Variants in MACROD2 observed in about 807,000 individuals in gnomAD.
The protein encoded by MACROD2 is mono-ADP ribosylhydrolase 2, also known as ADP-ribose glycohydrolase MACROD2.
A neutral mutation model predicts 70.4 loss-of-function variants in MACROD2; 36 were observed. That is an observed-to-expected ratio of 0.51 (90% CI 0.39 to 0.68). The LOEUF is 0.68. Ranked by LOEUF, MACROD2 falls within the 30% of genes least tolerant of loss-of-function variation. The probability of loss-of-function intolerance (pLI) is 0.00; values close to 1 mark genes in which losing one functional copy is unlikely to be tolerated. For synonymous variants in MACROD2, 172 were observed against 178.8 expected (o/e 0.96, Z 0.30); for missense variants, 496 against 538.4 (o/e 0.92, Z 0.78).
At position 14,683,808 on chromosome 20, in the gene MACROD2, A is replaced by G. The variant is rs559888243; in HGVS notation, c.302-1035A>G. Among the ~76,000 whole-genome samples the G allele has an allele frequency of 2.3e-4, 35 of 152,022 alleles. 1 individual carries two copies. The highest frequency in any genetic ancestry group is 2.0e-3 in the Admixed American group (31 of 15,280). On this transcript the variant is annotated intron_variant, in intron 4 of 17. Transcript: ENST00000684519. ...TCTTCAGACCTCTAATATTCTATCT[A>G]TTTTCACATTCCAGTTACTACTACT... is the stretch of plus-strand genomic sequence containing the variant.
intron 5 of MACROD2, among the ~76,000 whole-genome samples, chr20:14,819,862 A>C (rs1296612990): frequency 2.0e-5 from 3 of 151,986 alleles, no homozygotes; most frequent in African/African-American, 7.2e-5. Flanking sequence ...GAGACAGAAG[A>C]AGCCGAGGAG....
At chr20:15,567,825 T>A (rs2048329165) in intron 8 of MACROD2, among the ~76,000 whole-genome samples, 1 of 152,234 alleles carries the variant, frequency 6.6e-6, no homozygotes, top group African/African-American at 2.4e-5. Flanking sequence ...CTCCAGTGAA[T>A]GGTACCAGGT....
intron 3 of MACROD2, among the ~76,000 whole-genome samples, chr20:14,491,093 T>C (rs2084788266): frequency 6.6e-6 from 1 of 152,170 alleles, no homozygotes. Context: ...TTCACTTCTG[T>C]AAAATGGAAG....
intron 5 of MACROD2, among the ~76,000 whole-genome samples, chr20:15,107,365 G>GAA (rs948778886): frequency 6.8e-6 from 1 of 147,404 alleles, no homozygotes; most frequent in African/African-American, 2.5e-5. Context: ...ATTAATAGTT[G>GAA]AAAAAAAAAA....
intron 8 of MACROD2, among the ~76,000 whole-genome samples, chr20:15,648,706 GGGTGGATGGAT>G (rs1275671036): frequency 6.6e-6 from 1 of 151,112 alleles, no homozygotes; most frequent in Non-Finnish European, 1.5e-5. Context: ...GTAGATGGAT[GGGTGGATGGAT>G]GGTGGATGGA....
chr20:14,910,583 AG>A (rs906720730), intron 5 of MACROD2, among the ~76,000 whole-genome samples: 2 of 152,208 alleles, frequency 1.3e-5, no homozygotes, highest in Non-Finnish European at 2.9e-5. Flanking sequence ...TTTTAAACTT[AG>A]GCTTCCTCCA....
rs1192799929 is a variant in MACROD2 at position 14,020,301 on chromosome 20, C to T, written c.163+17897C>T. Among the ~76,000 whole-genome samples the T allele has an allele frequency of 3.3e-5, 5 of 152,008 alleles. No homozygotes were observed. In the South Asian group the frequency reaches 6.2e-4, roughly 19 times the overall value. On this transcript the variant is annotated intron_variant, in intron 2 of 17. Coordinates refer to ENST00000684519, the MANE Select transcript of MACROD2 (RefSeq NM_001351661.2). The stretch of plus-strand genomic sequence containing the variant: ...CAGCCTGACCAATACGGAGAAACCC[C>T]GTCCCTACTAAAAATACAGAAATTA...
chr20:15,774,013 A>G (rs574273188), intron 8 of MACROD2, among the ~76,000 whole-genome samples: 1 of 152,034 alleles, frequency 6.6e-6, no homozygotes, highest in Non-Finnish European at 1.5e-5. Context: ...TAAAATCTGC[A>G]TGAATTCACG....
At chr20:14,847,102 A>G (rs766797696) in intron 5 of MACROD2, among the ~76,000 whole-genome samples, 2 of 151,420 alleles carry the variant, frequency 1.3e-5, no homozygotes, top group Non-Finnish European at 3.0e-5. Context: ...AAAAAAAAGT[A>G]CTAGTGTATC....
chr20:15,894,985 T>C (rs1206441504), intron 10 of MACROD2, among the ~76,000 whole-genome samples: 1 of 152,196 alleles, frequency 6.6e-6, no homozygotes, highest in Non-Finnish European at 1.5e-5. Context: ...GGCAAAGCAA[T>C]ACTCACCTTT....
chr20:15,538,021 G>T (rs537834123), intron 8 of MACROD2, among the ~76,000 whole-genome samples: 4 of 152,304 alleles, frequency 2.6e-5, no homozygotes, highest in African/African-American at 7.2e-5. Context: ...AATGTTTTGA[G>T]CAGGGAATAA....
At chr20:14,081,831 A>G (rs1214735808) in intron 2 of MACROD2, among the ~76,000 whole-genome samples, 1 of 152,204 alleles carries the variant, frequency 6.6e-6, no homozygotes, top group Non-Finnish European at 1.5e-5. Context: ...AAGTATGTAC[A>G]TATCTTTTTG....
At chr20:14,644,913 G>C (rs917207593) in intron 4 of MACROD2, among the ~76,000 whole-genome samples, 2 of 152,148 alleles carry the variant, frequency 1.3e-5, no homozygotes, top group South Asian at 2.1e-4. Context: ...GCATGGAAGG[G>C]AGTGTAGGCA....
intron 2 of MACROD2, 36 bp from the exon 3 acceptor site, chr20:14,085,585 A>G: frequency 8.5e-7 from 1 of 1,182,448 alleles, no homozygotes; most frequent in Non-Finnish European, 1.2e-6. Context: ...TTAATTAATA[A>G]TATTATTATT....
At chr20:14,708,197 G>A (rs2071292699) in intron 5 of MACROD2, among the ~76,000 whole-genome samples, 1 of 152,170 alleles carries the variant, frequency 6.6e-6, no homozygotes, top group South Asian at 2.1e-4. Context: ...TCTCTTTTCT[G>A]TTCATTACGA....
intron 8 of MACROD2, among the ~76,000 whole-genome samples, chr20:15,727,562 A>G (rs984147929): frequency 2.0e-5 from 3 of 152,104 alleles, no homozygotes; most frequent in African/African-American, 4.8e-5. Context: ...GCTTCTTCCT[A>G]TCCATGAGCA....
At chr20:15,550,560 A>AT (rs1207156218) in intron 8 of MACROD2, among the ~76,000 whole-genome samples, 1 of 151,826 alleles carries the variant, frequency 6.6e-6, no homozygotes, top group Non-Finnish European at 1.5e-5. Flanking sequence ...TTTATTCCAT[A>AT]TTTTTTCATT....
chr20:15,620,266 A>T (rs143573146), intron 8 of MACROD2, among the ~76,000 whole-genome samples: 373 of 152,218 alleles, frequency 2.5e-3, no homozygotes, highest in Non-Finnish European at 4.2e-3. Context: ...AAGAGAATGA[A>T]GTTTTTTCCT....
chr20:14,110,504 A>G (rs2054434954), intron 3 of MACROD2, among the ~76,000 whole-genome samples: 1 of 151,964 alleles, frequency 6.6e-6, no homozygotes, highest in Admixed American at 6.6e-5. Context: ...CCAAAAAACA[A>G]ATAGAACTAA....
Sources: allele counts gnomAD v4.1 joint callset (sites outside exome capture counted in the v4.1 genomes callset), GRCh38; gene constraint gnomAD v4.1.1; transcripts MANE v1.5; gene names NCBI Gene and HGNC (gene_info 2026-07-23, HGNC 2026-07-21).